Variants in HMGB1 observed in about 807,000 individuals in gnomAD.
HMGB1 encodes the protein high mobility group box 1.
For synonymous variants in HMGB1, 81 were observed against 84.0 expected, an observed-to-expected ratio of 0.96 and a Z score of 0.19; for missense variants, 79 against 253.5, an observed-to-expected ratio of 0.31 and a Z score of 4.67.
chr13:30,466,047 C>T (rs1236839099), upstream of HMGB1: 14 of 662,562 alleles, frequency 2.1e-5, no homozygotes, highest in Non-Finnish European at 2.6e-5. Context: ...TGGCTGTCTC[C>T]GGGGACACGT....
intron 1 of HMGB1, among the ~76,000 whole-genome samples, chr13:30,578,154 C>T (rs949480551): frequency 2.6e-4 from 40 of 151,896 alleles, no homozygotes; most frequent in African/African-American, 8.5e-4. Flanking sequence ...TTGGCCAGCT[C>T]CCATTCATTC....
At chr13:30,613,078 TG>T (rs1303858497) in intron 1 of HMGB1, among the ~76,000 whole-genome samples, 1 of 152,170 alleles carries the variant, frequency 6.6e-6, no homozygotes, top group Non-Finnish European at 1.5e-5. Context: ...TTTTAGGCCT[TG>T]TTTTTGCTGT....
chr13:30,464,395 G>A (rs1886575125), intron 1 of HMGB1: 1 of 985,476 alleles, frequency 1.0e-6, no homozygotes, highest in South Asian at 4.7e-5. Flanking sequence ...CCTGCTCGTG[G>A]CTCGGTGGCC....
rs1026373423 is a variant in HMGB1 at position 30,456,989 on chromosome 13, G to A, written c.*4368C>T. On this transcript the variant is annotated 3_prime_UTR_variant, in exon 5 of 5. Coordinates refer to ENST00000341423, the MANE Select transcript of HMGB1 (RefSeq NM_002128.7). The stretch of plus-strand genomic sequence containing the variant: ...AATATTATGGATCATATACAAGTGA[G>A]ATCGAAAAAAGAAAAAATATGTATT... The A allele has an allele frequency of 5.3e-5, 8 of 152,010 alleles. No individual in the cohort carries two copies. The highest frequency in any genetic ancestry group is 1.2e-4 in the Non-Finnish European group (8 of 68,012). 9.4% of individuals were successfully genotyped at this position (152,010 alleles called of 1,614,324 possible).
chr13:30,461,860 C>T (rs1310138645), intron 4 of HMGB1, among the ~76,000 whole-genome samples: 1 of 152,014 alleles, frequency 6.6e-6, no homozygotes, highest in Non-Finnish European at 1.5e-5. Context: ...GACACTGCCA[C>T]CTTCTGAATG....
chr13:30,498,029 G>A (rs532309862), intron 1 of HMGB1, among the ~76,000 whole-genome samples: 4 of 152,120 alleles, frequency 2.6e-5, no homozygotes, highest in Non-Finnish European at 4.4e-5. Context: ...TTGAGGAATC[G>A]CCAAACTGCT....
chr13:30,477,744 T>G (rs763795578), intron 1 of HMGB1, among the ~76,000 whole-genome samples: 10 of 152,308 alleles, frequency 6.6e-5, no homozygotes, highest in Middle Eastern at 6.8e-3. Context: ...ACCTTGGATT[T>G]GCCTCTAACT....
chr13:30,590,315 T>C (rs926423290), intron 1 of HMGB1, among the ~76,000 whole-genome samples: 1 of 152,184 alleles, frequency 6.6e-6, no homozygotes, highest in African/African-American at 2.4e-5. Context: ...AAATTTTATT[T>C]TTAAATTTTA....
intron 1 of HMGB1, among the ~76,000 whole-genome samples, chr13:30,520,470 A>C (rs1311262088): frequency 6.6e-6 from 1 of 151,106 alleles, no homozygotes; most frequent in Non-Finnish European, 1.5e-5. Context: ...AAATACAAAA[A>C]TTAGTCAGGT....
chr13:30,542,659 C>T lies in HMGB1; in HGVS notation c.-15+74012G>A, dbSNP rs116691009. On this transcript the variant is annotated intron_variant, in intron 1 of 4. Coordinates refer to the HMGB1 transcript ENST00000405805. The stretch of plus-strand genomic sequence containing the variant: ...AGCCTGGCTGGCTGGCTGAGCCCTC[C>T]TCCTGTTCCTCAGGCTCTGCTTCCT... The T allele has an allele frequency of 2.9e-3, 552 of 193,408 alleles. 1 individual carries two copies. Among genetic ancestry groups the T allele is most frequent in the African/African-American group, 0.013 (532 of 42,138 alleles). The allele number at this position is 193,408 out of a possible 1,614,324, so 12.0% of individuals were successfully genotyped here.
chr13:30,524,118 C>A (rs151122879), intron 1 of HMGB1, among the ~76,000 whole-genome samples: 6 of 151,782 alleles, frequency 4.0e-5, no homozygotes, highest in Admixed American at 2.6e-4. Flanking sequence ...TGCTCTCACT[C>A]GTAAGGGGGA....
chr13:30,480,833 G>C (rs867379682), intron 1 of HMGB1, among the ~76,000 whole-genome samples: 1 of 151,542 alleles, frequency 6.6e-6, no homozygotes, highest in Non-Finnish European at 1.5e-5. Context: ...GGATTTATAC[G>C]TGCCAAATGG....
rs770893388 is a variant in HMGB1 at position 30,613,756 on chromosome 13, T to C, written c.-15+2915A>G. Reference sequence around the variant, plus strand: ...ACAGGGTGTTGACTCCACTATACAATACTGGCATGGAGAACACATAAGTCA... The same window carrying C: ...ACAGGGTGTTGACTCCACTATACAACACTGGCATGGAGAACACATAAGTCA... On this transcript the variant is annotated intron_variant, in intron 1 of 4. Transcript: ENST00000405805. 5.3e-5 allele frequency among the ~76,000 whole-genome samples: 8 copies of C among 152,140 alleles called. 1 individual carries two copies. The highest frequency in any genetic ancestry group is 5.2e-4 in the Admixed American group (8 of 15,272).
intron 1 of HMGB1, among the ~76,000 whole-genome samples, chr13:30,496,629 A>T (rs1887614553): frequency 6.6e-6 from 1 of 152,212 alleles, no homozygotes; most frequent in Non-Finnish European, 1.5e-5. Context: ...AAGCCATCAA[A>T]GGGGGAGATT....
At chr13:30,468,442 C>T (rs375055265), upstream of HMGB1, among the ~76,000 whole-genome samples, 75 of 152,118 alleles carry the variant, frequency 4.9e-4, no homozygotes, top group African/African-American at 1.7e-3. Flanking sequence ...TTAGTAGAGA[C>T]GGGGTTTCAC....
chr13:30,465,343 G>A (rs1429390298), intron 1 of HMGB1: 2 of 134,766 alleles, frequency 1.5e-5, no homozygotes, highest in Non-Finnish European at 1.6e-5. Flanking sequence ...GGCTCGCTGC[G>A]GCGGCGGCCA....
At chr13:30,501,741 G>A (rs9579587) in intron 1 of HMGB1, among the ~76,000 whole-genome samples, 52,695 of 151,904 alleles carry the variant, frequency 0.35, 10,384 homozygotes, top group Middle Eastern at 0.5. Context: ...AGTACATCAG[G>A]GAAGGAGGTG....
chr13:30,463,469 T>C, intron 2 of HMGB1, 62 bp downstream of exon 2: 1 of 1,562,428 alleles, frequency 6.4e-7, no homozygotes, highest in South Asian at 1.2e-5. Context: ...AGGCTTTTTT[T>C]TGCATCCTCA....
chr13:30,586,061 T>A (rs1871130853), intron 1 of HMGB1, among the ~76,000 whole-genome samples: 1 of 152,032 alleles, frequency 6.6e-6, no homozygotes, highest in Non-Finnish European at 1.5e-5. Flanking sequence ...TGTTTTCTAA[T>A]TTTTTTTATT....
Sources: allele counts gnomAD v4.1 joint callset (sites outside exome capture counted in the v4.1 genomes callset), GRCh38; gene constraint gnomAD v4.1.1; transcripts MANE v1.5; gene names NCBI Gene and HGNC (gene_info 2026-07-23, HGNC 2026-07-21).